Variants in COG6 observed in about 807,000 individuals in gnomAD.
The protein encoded by COG6 is component of oligomeric golgi complex 6, also known as conserved oligomeric Golgi complex subunit 6.
A neutral mutation model predicts 88.8 loss-of-function variants in COG6; 74 were observed. That is an observed-to-expected ratio of 0.83 (90% confidence interval 0.69 to 1.01). The LOEUF (loss-of-function observed/expected upper bound fraction) is 1.01, where lower values mean the gene tolerates loss of function less well. Ranked by LOEUF, COG6 falls within the 50% of genes least tolerant of loss-of-function variation. The probability of loss-of-function intolerance (pLI) is 0.00; values close to 1 mark genes in which losing one functional copy is unlikely to be tolerated. For synonymous variants in COG6, 286 were observed against 278.7 expected (o/e 1.03, Z -0.26); for missense variants, 800 against 797.9 (o/e 1.00, Z -0.03).
chr13:39,759,873 T>G (rs889623784), intron 18 of COG6, among the ~76,000 whole-genome samples: 41 of 152,100 alleles, frequency 2.7e-4, no homozygotes, highest in African/African-American at 9.4e-4. Context: ...TTGGGGAAAT[T>G]GTTGATAAGG....
At chr13:39,737,688 G>T (rs1879835056) in intron 18 of COG6, among the ~76,000 whole-genome samples, 1 of 151,950 alleles carries the variant, frequency 6.6e-6, no homozygotes, top group Non-Finnish European at 1.5e-5. Context: ...TGCACCCCAA[G>T]TCCACTGGCT....
At chr13:39,658,299 A>G (rs1295605835) in intron 1 of COG6, among the ~76,000 whole-genome samples, 2 of 151,670 alleles carry the variant, frequency 1.3e-5, no homozygotes, top group Admixed American at 6.6e-5. Context: ...ACATGCCACC[A>G]TACCTGGCTA....
At chr13:39,674,408 G>C (rs552402449) in intron 4 of COG6, among the ~76,000 whole-genome samples, 5 of 152,132 alleles carry the variant, frequency 3.3e-5, no homozygotes, top group Admixed American at 2.0e-4. Context: ...GTAGAATTAA[G>C]ATACGACAGA....
At chr13:39,685,331 A>G (rs1876573732) in intron 8 of COG6, among the ~76,000 whole-genome samples, 3 of 152,174 alleles carry the variant, frequency 2.0e-5, no homozygotes, top group Non-Finnish European at 2.9e-5. Flanking sequence ...AGGATGTTTC[A>G]TGTCTAAAGA....
intron 18 of COG6, among the ~76,000 whole-genome samples, chr13:39,732,151 C>T (rs760496485): frequency 6.6e-6 from 1 of 152,240 alleles, no homozygotes; most frequent in African/African-American, 2.4e-5. Flanking sequence ...CAGACACACC[C>T]GGAAATTATG....
chr13:39,755,764 G>A (rs1242240279), downstream of COG6, among the ~76,000 whole-genome samples: 3 of 152,180 alleles, frequency 2.0e-5, no homozygotes, highest in Non-Finnish European at 2.9e-5. Flanking sequence ...TGTCCCAACA[G>A]ACACACAGAG....
At chr13:39,689,350 T>C (rs183730982) in intron 10 of COG6, among the ~76,000 whole-genome samples, 13 of 152,280 alleles carry the variant, frequency 8.5e-5, no homozygotes, top group Admixed American at 8.5e-4. Flanking sequence ...TTTTTCATCT[T>C]TATACCCTCA....
In COG6 at chr13:39,724,645, G is replaced by A. The variant is rs568955250; in HGVS notation, c.1746+84G>A. 59 of 1,048,230 alleles carry A rather than the reference G, an allele frequency of 5.6e-5. No individual in the cohort carries two copies. In the Admixed American group the frequency reaches 1.0e-3, roughly 18 times the overall value. The allele number at this position is 1,048,230 out of a possible 1,614,324, so 64.9% of individuals were successfully genotyped here. On this transcript the variant is annotated intron_variant, in intron 17 of 18. Transcript: ENST00000455146. ...TTTTGCTGTGTGATAATTTCATTCTGGGTGACACTTTTTATCTCTTGACAT... is the reference window on the plus strand; with the variant it reads ...TTTTGCTGTGTGATAATTTCATTCTAGGTGACACTTTTTATCTCTTGACAT...
chr13:39,705,067 T>C (rs1365257314), intron 13 of COG6, among the ~76,000 whole-genome samples: 1 of 152,190 alleles, frequency 6.6e-6, no homozygotes, highest in Non-Finnish European at 1.5e-5. Context: ...TTCTGCTTCT[T>C]GTAAATGATT....
chr13:39,719,221 C>A lies in COG6; in HGVS notation c.1285-15C>A. On this transcript the variant is annotated splice_polypyrimidine_tract_variant and intron_variant, in intron 13 of 18. Transcript: ENST00000455146. ...GAAAAAATATAAGGAGTGGGTAAAT[C>A]ATCTCTTGTTTTAGGTTGAACTCCC... 1 of 1,611,132 alleles carries A rather than the reference C, an allele frequency of 6.2e-7. No individual in the cohort carries two copies. The highest frequency in any genetic ancestry group is 8.5e-7 in the Non-Finnish European group (1 of 1,178,016).
At chr13:39,675,300 TATAC>T (rs1875904355) in intron 4 of COG6, among the ~76,000 whole-genome samples, 1 of 152,188 alleles carries the variant, frequency 6.6e-6, no homozygotes, top group Non-Finnish European at 1.5e-5. Flanking sequence ...GCATAGGCCT[TATAC>T]ATTGTGAGTC....
downstream of COG6, among the ~76,000 whole-genome samples, chr13:39,754,842 G>T: frequency 6.6e-6 from 1 of 152,146 alleles, no homozygotes; most frequent in East Asian, 1.9e-4. Context: ...TAGAGTGCTT[G>T]TGCATGTTGG....
chr13:39,709,488 ACTCTGTGT>A (rs1013074886), intron 13 of COG6, among the ~76,000 whole-genome samples: 5 of 126,230 alleles, frequency 4.0e-5, no homozygotes, highest in Non-Finnish European at 6.2e-5. Context: ...CTATTATTCT[ACTCTGTGT>A]CCATGTGTAC....
intron 12 of COG6, among the ~76,000 whole-genome samples, chr13:39,695,512 A>G (rs1432018209): frequency 6.6e-6 from 1 of 151,848 alleles, no homozygotes; most frequent in Non-Finnish European, 1.5e-5. Context: ...GTTATGCAGT[A>G]TGCCAGTATC....
chr13:39,669,973 A>G (rs1161404274), intron 4 of COG6, among the ~76,000 whole-genome samples: 1 of 152,178 alleles, frequency 6.6e-6, no homozygotes, highest in African/African-American at 2.4e-5. Context: ...TATCTTTTTA[A>G]CAAGAAACTT....
Position 39,768,677 on chromosome 13 carries a change from A to T in COG6, c.1827-19658A>T, listed in dbSNP as rs187621115. 7.7e-3 allele frequency among the ~76,000 whole-genome samples: 1,167 copies of T among 152,200 alleles called. 7 individuals are homozygous for T. The highest frequency in any genetic ancestry group is 0.011 in the Non-Finnish European group (781 of 68,012). On this transcript the variant is annotated intron_variant, in intron 18 of 18. Coordinates refer to the COG6 transcript ENST00000416691. ...CCTTTGCAGTCAAGGCTCAGTGGTA[A>T]CTTTTCATAAGAAAGTTGTAATTAC... is the stretch of plus-strand genomic sequence containing the variant.
chr13:39,783,050 A>G (rs1206510812), intron 18 of COG6, among the ~76,000 whole-genome samples: 1 of 152,210 alleles, frequency 6.6e-6, no homozygotes, highest in Non-Finnish European at 1.5e-5. Flanking sequence ...TTCAGCAAAA[A>G]GTTAAACAGG....
At chr13:39,770,663 A>G (rs750998826) in intron 18 of COG6, among the ~76,000 whole-genome samples, 3 of 152,294 alleles carry the variant, frequency 2.0e-5, no homozygotes, top group African/African-American at 4.8e-5. Context: ...AAAGAAATCC[A>G]TTTGTGTCTC....
chr13:39,719,615 T>A lies in COG6; in HGVS notation c.1417-45T>A, dbSNP rs775802862. On this transcript the variant is annotated intron_variant, in intron 14 of 18. Transcript: ENST00000455146. ...TAAATATCATTAACCCAAGACCCTA[T>A]CAGTGATTGAGAAATAAAGAGTTCA... is the stretch of plus-strand genomic sequence containing the variant. 19 of 1,540,616 alleles carry A rather than the reference T, an allele frequency of 1.2e-5. No homozygotes were observed. In the Admixed American group the frequency reaches 3.0e-4, roughly 24 times the overall value.
Sources: gnomAD v4.1 joint callset for allele counts (sites outside exome capture counted in the v4.1 genomes callset) on GRCh38, gnomAD v4.1.1 for gene constraint, MANE v1.5 for transcripts, NCBI Gene and HGNC (gene_info 2026-07-23, HGNC 2026-07-21) for gene names.